Variants in WNT3 observed in about 807,000 individuals in gnomAD.
The protein encoded by WNT3 is proto-oncogene Wnt-3.
Under a neutral mutation model 34.2 loss-of-function variants are expected in WNT3, and 7 were observed. That is an observed-to-expected ratio of 0.20 (90% CI 0.12 to 0.38). The LOEUF (loss-of-function observed/expected upper bound fraction) is 0.38, where lower values mean the gene tolerates loss of function less well. Ranked by LOEUF, WNT3 falls within the 10% of genes least tolerant of loss-of-function variation. The pLI is 1.00. For missense variants in WNT3, 267 were observed against 499.8 expected (o/e 0.53, Z 4.44); for synonymous variants, 212 against 211.5 (o/e 1.00, Z -0.02).
intron 1 of WNT3, among the ~76,000 whole-genome samples, chr17:46,811,508 G>A (rs2084275404): frequency 6.6e-6 from 1 of 152,176 alleles, no homozygotes; most frequent in African/African-American, 2.4e-5. Context: ...TGAAGAACCG[G>A]GTTTCAGCCT....
intron 1 of WNT3, among the ~76,000 whole-genome samples, chr17:46,809,578 A>T (rs1416750708): frequency 6.6e-6 from 1 of 152,140 alleles, no homozygotes; most frequent in East Asian, 1.9e-4. Context: ...GGCCATTAGG[A>T]TTCCCTGATG....
intron 1 of WNT3, among the ~76,000 whole-genome samples, chr17:46,801,237 C>T (rs888554825): frequency 3.3e-5 from 5 of 152,286 alleles, no homozygotes; most frequent in African/African-American, 1.2e-4. Context: ...GGGAGAGGAG[C>T]GGGTGCAGGG....
intron 3 of WNT3, 142 bp downstream of exon 3, chr17:46,769,641 G>A: frequency 1.8e-6 from 2 of 1,093,516 alleles, no homozygotes; most frequent in East Asian, 5.1e-5. Flanking sequence ...GTGGGGTGGG[G>A]AGGAGGCCAA....
chr17:46,804,078 C>T (rs1742227240), intron 1 of WNT3, among the ~76,000 whole-genome samples: 2 of 151,792 alleles, frequency 1.3e-5, no homozygotes, highest in African/African-American at 4.8e-5. Flanking sequence ...TCCTGCTCTT[C>T]TGTTTTTGTT....
chr17:46,780,163 G>C (rs887271408), intron 1 of WNT3, among the ~76,000 whole-genome samples: 1 of 152,234 alleles, frequency 6.6e-6, no homozygotes, highest in African/African-American at 2.4e-5. Context: ...AAGGCACCCT[G>C]TACAGTGCGT....
intron 1 of WNT3, among the ~76,000 whole-genome samples, chr17:46,800,876 T>C (rs2084116122): frequency 6.6e-6 from 1 of 152,160 alleles, no homozygotes; most frequent in Non-Finnish European, 1.5e-5. Flanking sequence ...GCAGAGGAAG[T>C]GATGGCTGAA....
At chr17:46,771,482 C>G (rs914326150) in intron 2 of WNT3, among the ~76,000 whole-genome samples, 2 of 149,704 alleles carry the variant, frequency 1.3e-5, no homozygotes, top group African/African-American at 4.9e-5. Context: ...GGGTTCCCAG[C>G]CCCGGGAACG....
At chr17:46,804,838 C>G (rs1055735933) in intron 1 of WNT3, among the ~76,000 whole-genome samples, 9 of 152,088 alleles carry the variant, frequency 5.9e-5, no homozygotes, top group Non-Finnish European at 1.2e-4. Flanking sequence ...GTAAAATGGA[C>G]CAATCAGCAC....
At chr17:46,804,621 G>A (rs1338945588) in intron 1 of WNT3, among the ~76,000 whole-genome samples, 1 of 152,198 alleles carries the variant, frequency 6.6e-6, no homozygotes, top group Admixed American at 6.5e-5. Flanking sequence ...GATCAGAAGA[G>A]GAAGAACAAG....
intron 4 of WNT3, among the ~76,000 whole-genome samples, chr17:46,766,659 C>T (rs1372443502): frequency 1.3e-5 from 2 of 152,124 alleles, no homozygotes; most frequent in Admixed American, 6.5e-5. Flanking sequence ...CTGAGTGAGT[C>T]GCCCCTCAGC....
chr17:46,765,496 T>G (rs546129925), intron 4 of WNT3, among the ~76,000 whole-genome samples: 11 of 152,346 alleles, frequency 7.2e-5, no homozygotes, highest in Non-Finnish European at 1.5e-4. Context: ...TGACAGGCGC[T>G]CTCTCCTCAC....
At chr17:46,788,894 G>A (rs943167012) in intron 1 of WNT3, among the ~76,000 whole-genome samples, 1 of 152,192 alleles carries the variant, frequency 6.6e-6, no homozygotes, top group African/African-American at 2.4e-5. Flanking sequence ...CTGGCTCTCT[G>A]GGCCTTTTAA....
At chr17:46,789,949 G>A (rs1035359437) in intron 1 of WNT3, among the ~76,000 whole-genome samples, 19 of 152,254 alleles carry the variant, frequency 1.2e-4, no homozygotes, top group African/African-American at 3.1e-4. Flanking sequence ...GCTTCTTTGC[G>A]CCTCATCCCC....
chr17:46,788,627 C>T (rs1301237571), intron 1 of WNT3, among the ~76,000 whole-genome samples: 1 of 152,228 alleles, frequency 6.6e-6, no homozygotes, highest in African/African-American at 2.4e-5. Flanking sequence ...CTTCAATGCA[C>T]TCAAGTGAAT....
chr17:46,818,021 G>T (rs1044633085), intron 1 of WNT3, among the ~76,000 whole-genome samples: 1 of 152,102 alleles, frequency 6.6e-6, no homozygotes, highest in African/African-American at 2.4e-5. Flanking sequence ...AGCCTTTGGG[G>T]TCTGAAATAG....
chr17:46,771,717 G>A (rs1465354991), intron 2 of WNT3, among the ~76,000 whole-genome samples: 1 of 141,948 alleles, frequency 7.0e-6, no homozygotes, highest in Admixed American at 6.9e-5. Context: ...CCCCGGCCCC[G>A]GCGCCGGGCC....
chr17:46,769,967 G>A lies in WNT3; in HGVS notation c.404C>T (p.Thr135Ile), dbSNP rs2059349026. The A allele has an allele frequency of 1.2e-6, 2 of 1,612,314 alleles. No homozygotes were observed. The highest frequency in any genetic ancestry group is 1.7e-6 in the Non-Finnish European group (2 of 1,179,568). The stretch of plus-strand genomic sequence containing the variant: ...CGAGTCACAGCCGCAAATGGTGGAG[G>A]TGCCCTCGGCGCAGGAGCGGGTGAC... ...FAVTRSCAEG[T>I]STICGCDSHH... Residue 135 changes from threonine (T) to isoleucine (I), a missense_variant, in exon 3 of 5, where the codon ACC (threonine) becomes ATC (isoleucine). By Grantham distance (89) the Thr-to-Ile change is moderately conservative. This residue lies in a region of WNT3 where 181 missense variants were observed against 391.3 expected (regional missense o/e 0.46). Coordinates refer to ENST00000225512, the MANE Select transcript of WNT3 (RefSeq NM_030753.5).
intron 1 of WNT3, among the ~76,000 whole-genome samples, chr17:46,806,304 G>A (rs1432302001): frequency 1.4e-5 from 2 of 145,700 alleles, no homozygotes; most frequent in East Asian, 2.1e-4. Flanking sequence ...TTCAGCCCTC[G>A]GTTGAAGCGA....
chr17:46,800,523 C>T (rs1019699187), intron 1 of WNT3, among the ~76,000 whole-genome samples: 6 of 149,286 alleles, frequency 4.0e-5, no homozygotes, highest in Admixed American at 2.0e-4. Flanking sequence ...CTGACTCTTA[C>T]ACTGGGAAGA....
Sources: gnomAD v4.1 joint callset for allele counts (sites outside exome capture counted in the v4.1 genomes callset) on GRCh38, gnomAD v4.1.1 for gene constraint, gnomAD v4.1.1 regional missense constraint, MANE v1.5 for transcripts, NCBI Gene and HGNC (gene_info 2026-07-23, HGNC 2026-07-21) for gene names.